ATG10: variants seen among roughly 807,000 people sequenced by gnomAD.
ATG10 encodes ubiquitin-like-conjugating enzyme ATG10.
A neutral mutation model predicts 32.1 loss-of-function variants in ATG10; 30 were observed. The observed-to-expected ratio is 0.94, with a 90% confidence interval of 0.70 to 1.27. ATG10 has a LOEUF of 1.27. Ranked by LOEUF, ATG10 falls within the 50% of genes most tolerant of loss-of-function variation. The probability of loss-of-function intolerance (pLI) is 0.00; values close to 1 mark genes in which losing one functional copy is unlikely to be tolerated. For missense variants in ATG10, 233 were observed against 262.3 expected (o/e 0.89, Z 0.77); for synonymous variants, 87 against 91.5 (o/e 0.95, Z 0.28).
intron 3 of ATG10, among the ~76,000 whole-genome samples, chr5:82,129,985 G>C (rs1425098611): frequency 6.6e-6 from 1 of 152,152 alleles, no homozygotes; most frequent in Non-Finnish European, 1.5e-5. Context: ...GGAGATGGGG[G>C]TTTCATCTAT....
At chr5:81,979,175 C>T (rs924870406) in intron 1 of ATG10, among the ~76,000 whole-genome samples, 1 of 151,182 alleles carries the variant, frequency 6.6e-6, no homozygotes, top group African/African-American at 2.4e-5. Flanking sequence ...GCTGGGATTA[C>T]AGGCGTGAGC....
intron 2 of ATG10, among the ~76,000 whole-genome samples, chr5:82,036,357 G>A (rs975441596): frequency 6.6e-6 from 1 of 152,184 alleles, no homozygotes; most frequent in Non-Finnish European, 1.5e-5. Context: ...ACTTTGGGAG[G>A]CTGAGGCGGG....
intron 1 of ATG10, among the ~76,000 whole-genome samples, chr5:81,978,981 C>CT (rs1554037966): frequency 2.0e-5 from 3 of 152,074 alleles, no homozygotes; most frequent in Non-Finnish European, 4.4e-5. Flanking sequence ...CTCACTGCAA[C>CT]TTTCGCCTCC....
chr5:82,106,434 T>C (rs530043145), intron 3 of ATG10, among the ~76,000 whole-genome samples: 1 of 152,060 alleles, frequency 6.6e-6, no homozygotes, highest in Non-Finnish European at 1.5e-5. Flanking sequence ...TGTGATTTGC[T>C]CAGTAACAGA....
At chr5:82,237,088 G>A (rs536623833) in intron 5 of ATG10, among the ~76,000 whole-genome samples, 1 of 151,952 alleles carries the variant, frequency 6.6e-6, no homozygotes, top group African/African-American at 2.4e-5. Context: ...AAAATTATTG[G>A]ATCATAAAGG....
At position 81,978,226 on chromosome 5, in the gene ATG10, C is replaced by T. The variant is rs562504343; in HGVS notation, c.-13+5920C>T. 3.3e-5 allele frequency among the ~76,000 whole-genome samples: 5 copies of T among 152,222 alleles called. No homozygotes were observed. In the South Asian group the frequency reaches 1.0e-3, roughly 32 times the overall value. ...CTGGGATTACATGTGCCCGCCACCA[C>T]GCCCAGCTAATTTTAGTATTTTTAG... On this transcript the variant is annotated intron_variant, in intron 1 of 7. Transcript: ENST00000282185.
intron 3 of ATG10, among the ~76,000 whole-genome samples, chr5:82,063,476 TG>T (rs1212422176): frequency 6.6e-6 from 1 of 151,924 alleles, no homozygotes; most frequent in Non-Finnish European, 1.5e-5. Context: ...GTTTAAAAAA[TG>T]CAATGAACTG....
chr5:82,188,764 A>T (rs1033558223), intron 5 of ATG10, among the ~76,000 whole-genome samples: 23 of 152,112 alleles, frequency 1.5e-4, no homozygotes, highest in African/African-American at 5.6e-4. Flanking sequence ...TTGAGTCCTT[A>T]GTAAGGAGTA....
chr5:82,214,292 T>A (rs7718771), intron 5 of ATG10, among the ~76,000 whole-genome samples: 7,526 of 152,294 alleles, frequency 0.049, 449 homozygotes, highest in African/African-American at 0.15. Context: ...CACTAAAGAA[T>A]GTGCCACAAA....
At chr5:82,110,206 A>T (rs1765574144) in intron 3 of ATG10, among the ~76,000 whole-genome samples, 1 of 152,012 alleles carries the variant, frequency 6.6e-6, no homozygotes, top group African/African-American at 2.4e-5. Flanking sequence ...TCATTGTTGG[A>T]CATTTGGGTT....
intron 3 of ATG10, among the ~76,000 whole-genome samples, chr5:82,123,901 A>C (rs1766146024): frequency 1.3e-5 from 2 of 151,912 alleles, no homozygotes. Context: ...GCACCACTGC[A>C]CTCCAGCCTG....
intron 5 of ATG10, among the ~76,000 whole-genome samples, chr5:82,178,852 A>G (rs898566342): frequency 6.6e-6 from 1 of 152,042 alleles, no homozygotes; most frequent in Non-Finnish European, 1.5e-5. Flanking sequence ...AGGATGATTT[A>G]AAAAAATTGA....
At chr5:82,092,052 G>T (rs907088562) in intron 3 of ATG10, among the ~76,000 whole-genome samples, 1 of 152,150 alleles carries the variant, frequency 6.6e-6, no homozygotes, top group African/African-American at 2.4e-5. Context: ...GATATATGGA[G>T]TTTTTTATAT....
intron 3 of ATG10, among the ~76,000 whole-genome samples, chr5:82,066,721 C>A (rs72776847): frequency 6.6e-6 from 1 of 152,128 alleles, no homozygotes; most frequent in Non-Finnish European, 1.5e-5. Context: ...CCTTGAAATA[C>A]ACTCATTTGC....
intron 2 of ATG10, among the ~76,000 whole-genome samples, chr5:82,023,276 T>A (rs1258875334): frequency 6.6e-6 from 1 of 152,152 alleles, no homozygotes; most frequent in Non-Finnish European, 1.5e-5. Flanking sequence ...TATATTTAGA[T>A]TTTTTTAAGT....
intron 2 of ATG10, among the ~76,000 whole-genome samples, chr5:82,050,500 C>T (rs1434921438): frequency 6.6e-6 from 1 of 151,826 alleles, no homozygotes; most frequent in Non-Finnish European, 1.5e-5. Flanking sequence ...ATAATTTAGT[C>T]CTCTGTGCTT....
chr5:82,255,905 GC>G lies in ATG10; in HGVS notation c.*1843del, dbSNP rs1747443324. On this transcript the variant is annotated 3_prime_UTR_variant, in exon 8 of 8. Transcript: ENST00000282185. ...AGTAGAGAAAGGGTTAATTCAAACT[GC>G]TAGAAAAGCTAAAAGTAAATTTTAA... 2 of 152,232 alleles carry G rather than the reference GC, an allele frequency of 1.3e-5. No homozygotes were observed. Among genetic ancestry groups the G allele is most frequent in the Admixed American group, 1.3e-4 (2 of 15,282 alleles). 9.4% of individuals were successfully genotyped at this position (152,232 alleles called of 1,614,324 possible). A position where few individuals can be genotyped will look rare whatever the true frequency, so the allele number is the denominator to read the frequency against.
At chr5:82,042,511 C>A (rs1036161650) in intron 2 of ATG10, among the ~76,000 whole-genome samples, 32 of 152,202 alleles carry the variant, frequency 2.1e-4, no homozygotes, top group Middle Eastern at 6.8e-3. Flanking sequence ...TTCAACAGTC[C>A]CCAAGTCTTA....
intron 3 of ATG10, among the ~76,000 whole-genome samples, chr5:82,095,063 G>A (rs1200997983): frequency 6.6e-6 from 1 of 152,018 alleles, no homozygotes; most frequent in Non-Finnish European, 1.5e-5. Flanking sequence ...AGCTTTTATA[G>A]TCAGCTAAAA....
Sources: gnomAD v4.1 joint callset for allele counts (sites outside exome capture counted in the v4.1 genomes callset) on GRCh38, gnomAD v4.1.1 for gene constraint, MANE v1.5 for transcripts, NCBI Gene and HGNC (gene_info 2026-07-23, HGNC 2026-07-21) for gene names.